The following PARP11 variants were observed in gnomAD, a reference collection of about 807,000 sequenced individuals.
PARP11 encodes the protein poly(ADP-ribose) polymerase family member 11, also known as protein mono-ADP-ribosyltransferase PARP11.
Under a neutral mutation model 42.9 loss-of-function variants are expected in PARP11, and 31 were observed. The ratio of observed to expected loss-of-function variants is 0.72; its 90% CI spans 0.54 to 0.98. PARP11 has a LOEUF of 0.98. Ranked by LOEUF, PARP11 falls within the 50% of genes least tolerant of loss-of-function variation. The pLI, the probability that PARP11 is intolerant of heterozygous loss-of-function variation, is 0.00. For missense variants in PARP11, 365 were observed against 413.1 expected (o/e 0.88, Z 1.01); for synonymous variants, 137 against 127.3 (o/e 1.08, Z -0.51).
At chr12:3,856,577 T>C (rs1426442361) in intron 1 of PARP11, among the ~76,000 whole-genome samples, 3 of 152,254 alleles carry the variant, frequency 2.0e-5, no homozygotes, top group South Asian at 2.1e-4. Flanking sequence ...TGAGATACCA[T>C]CTCACACCAG....
chr12:3,864,309 TTA>T (rs1014813412), intron 1 of PARP11, among the ~76,000 whole-genome samples: 42 of 152,332 alleles, frequency 2.8e-4, no homozygotes, highest in African/African-American at 1.0e-3. Context: ...ATTAATCCTT[TTA>T]TATATGTTAG....
chr12:3,873,181 T>C (rs978374495), intron 1 of PARP11, 31 bp downstream of exon 1: 3 of 1,136,004 alleles, frequency 2.6e-6, no homozygotes, highest in South Asian at 1.3e-5. Flanking sequence ...CCCCGCCCCC[T>C]GGGCCCGCCC....
At chr12:3,812,498 G>A in intron 7 of PARP11, 59 bp from the exon 8 acceptor site, 1 of 1,289,350 alleles carries the variant, frequency 7.8e-7, no homozygotes, top group Non-Finnish European at 1.1e-6. Context: ...TTAAAAACAA[G>A]CAAAAACATT....
intron 1 of PARP11, among the ~76,000 whole-genome samples, chr12:3,851,511 C>A (rs976914820): frequency 6.6e-6 from 1 of 152,238 alleles, no homozygotes. Flanking sequence ...TCACTGCTAG[C>A]GCAGCAGTCC....
At chr12:3,812,852 G>C (rs761764581) in intron 7 of PARP11, among the ~76,000 whole-genome samples, 1 of 152,124 alleles carries the variant, frequency 6.6e-6, no homozygotes, top group African/African-American at 2.4e-5. Flanking sequence ...TCCCAAGCTG[G>C]AGTGCAGTGG....
chr12:3,859,062 C>T (rs1948246779), intron 1 of PARP11, among the ~76,000 whole-genome samples: 1 of 149,032 alleles, frequency 6.7e-6, no homozygotes, highest in African/African-American at 2.5e-5. Context: ...CATGTCATTG[C>T]ACTCGAGCCT....
intron 6 of PARP11, among the ~76,000 whole-genome samples, chr12:3,817,727 T>C (rs1947320357): frequency 6.6e-6 from 1 of 152,208 alleles, no homozygotes; most frequent in African/African-American, 2.4e-5. Context: ...GGCTAAAGTG[T>C]GTATGCCACA....
chr12:3,856,667 T>A (rs181104476), intron 1 of PARP11, among the ~76,000 whole-genome samples: 1 of 152,296 alleles, frequency 6.6e-6, no homozygotes, highest in Non-Finnish European at 1.5e-5. Context: ...TTTTACACTA[T>A]TGGTGGGAGT....
At chr12:3,820,154 C>T (rs1399510627) in intron 6 of PARP11, among the ~76,000 whole-genome samples, 2 of 152,184 alleles carry the variant, frequency 1.3e-5, no homozygotes, top group South Asian at 2.1e-4. Context: ...TTCTCTGTAC[C>T]ATTATATCCC....
At position 3,873,289 on chromosome 12, in the gene PARP11, T is replaced by C; in HGVS notation, c.-60A>G. ...GAAGGGGCTAGCCGCGGGGCCTGGG[T>C]GTTGGATTTTTTTTTTTCCCGCGGG... is the stretch of plus-strand genomic sequence containing the variant. On this transcript the variant is annotated 5_prime_UTR_variant, in exon 1 of 8. Transcript: ENST00000228820. The C allele has an allele frequency of 6.6e-7, 1 of 1,504,494 alleles. No individual in the cohort carries two copies. The highest frequency in any genetic ancestry group is 9.0e-7 in the Non-Finnish European group (1 of 1,116,964). The allele number at this position is 1,504,494 out of a possible 1,614,324, so 93.2% of individuals were successfully genotyped here.
At chr12:3,870,973 T>C (rs1041299542) in intron 1 of PARP11, among the ~76,000 whole-genome samples, 1 of 152,246 alleles carries the variant, frequency 6.6e-6, no homozygotes, top group African/African-American at 2.4e-5. Context: ...TTTCCTCTAA[T>C]GCAGCTTGAA....
At chr12:3,818,253 A>T (rs529510644) in intron 6 of PARP11, among the ~76,000 whole-genome samples, 2 of 152,204 alleles carry the variant, frequency 1.3e-5, no homozygotes, top group East Asian at 3.9e-4. Flanking sequence ...ACACCTCCCT[A>T]CACTTCATTC....
At chr12:3,844,774 C>T (rs7955171) in intron 1 of PARP11, among the ~76,000 whole-genome samples, 41,427 of 151,960 alleles carry the variant, frequency 0.27, 6,437 homozygotes, top group East Asian at 0.56. Flanking sequence ...CAGTGACCTC[C>T]GGAATAAAAG....
chr12:3,819,284 C>T (rs368746962), intron 6 of PARP11, among the ~76,000 whole-genome samples: 21 of 152,230 alleles, frequency 1.4e-4, no homozygotes, highest in African/African-American at 5.1e-4. Context: ...GCAGATACCA[C>T]TTTGGGTCAG....
rs1253950263 is a variant in PARP11 at position 3,810,710 on chromosome 12, GAAGAGAAGAGAAAGAGA to G, written c.*1396_*1412del. 3.4e-5 allele frequency: 4 copies of G among 116,898 alleles called. No individual in the cohort carries two copies. The highest frequency in any genetic ancestry group is 1.8e-4 in the African/African-American group (4 of 22,618). The allele number at this position is 116,898 out of a possible 1,614,324, so 7.2% of individuals were successfully genotyped here. On this transcript the variant is annotated 3_prime_UTR_variant, in exon 8 of 8. Transcript: ENST00000228820. Reference sequence around the variant, plus strand: ...AAGAAAGAAGGAAGGAAGAGAGAGAGAAGAGAAGAGAAAGAGAAAGAGAAAGAGGAAGAGAAAAAGGA... The same window carrying G: ...AAGAAAGAAGGAAGGAAGAGAGAGAGAAGAGAAAGAGGAAGAGAAAAAGGA...
chr12:3,816,313 C>T (rs1296836401), intron 6 of PARP11, among the ~76,000 whole-genome samples: 1 of 152,220 alleles, frequency 6.6e-6, no homozygotes, highest in African/African-American at 2.4e-5. Flanking sequence ...AGTTTTGAAT[C>T]CCTCACAAGT....
intron 1 of PARP11, chr12:3,841,706 A>G: frequency 6.2e-6 from 10 of 1,613,268 alleles, no homozygotes; most frequent in East Asian, 4.5e-5. Context: ...TTTGGACCCA[A>G]TCCATTCTTA....
intron 4 of PARP11, 96 bp from the exon 5 acceptor site, chr12:3,822,253 G>T: frequency 1.1e-6 from 1 of 924,194 alleles, no homozygotes; most frequent in Non-Finnish European, 1.7e-6. Context: ...TCATTTTCAG[G>T]GTATTGTGAC....
intron 1 of PARP11, among the ~76,000 whole-genome samples, chr12:3,846,754 C>CT (rs1565545054): frequency 1.6e-5 from 2 of 125,728 alleles, no homozygotes; most frequent in African/African-American, 3.1e-5. Context: ...GAGACTCCGT[C>CT]TTAAAAAAAA....
Sources: gnomAD v4.1 joint callset for allele counts (sites outside exome capture counted in the v4.1 genomes callset) on GRCh38, gnomAD v4.1.1 for gene constraint, MANE v1.5 for transcripts, NCBI Gene and HGNC (gene_info 2026-07-23, HGNC 2026-07-21) for gene names.